CACNB2: variants seen among roughly 807,000 people sequenced by gnomAD.
The protein encoded by CACNB2 is voltage-dependent L-type calcium channel subunit beta-2.
In CACNB2, 42 loss-of-function variants were observed where a neutral mutation model predicts 73.3. The ratio of observed to expected loss-of-function variants is 0.57; its 90% CI spans 0.45 to 0.74. The LOEUF is 0.74. CACNB2 is among the 30% of genes least tolerant of loss of function. The pLI is 0.00. For missense variants in CACNB2, 940 were observed against 853.0 expected (o/e 1.10, Z -1.27); for synonymous variants, 348 against 310.3 (o/e 1.12, Z -1.28).
chr10:18,198,378 A>T (rs1294871805), intron 2 of CACNB2, among the ~76,000 whole-genome samples: 3 of 151,966 alleles, frequency 2.0e-5, no homozygotes, highest in African/African-American at 7.3e-5. Context: ...GGTATATGTA[A>T]ATCTCATAGG....
intron 2 of CACNB2, among the ~76,000 whole-genome samples, chr10:18,220,221 A>AGGGGGGGG (rs1160775101): frequency 3.5e-5 from 2 of 57,268 alleles, no homozygotes; most frequent in African/African-American, 2.2e-4. Context: ...ATATATATAT[A>AGGGGGGGG]TATATATATA....
At chr10:18,320,314 A>G (rs1281844683) in intron 2 of CACNB2, among the ~76,000 whole-genome samples, 1 of 152,138 alleles carries the variant, frequency 6.6e-6, no homozygotes, top group Non-Finnish European at 1.5e-5. Flanking sequence ...TCGTAGTTGC[A>G]TTGTTATGTT....
chr10:18,260,342 G>C, intron 2 of CACNB2: 1 of 659,548 alleles, frequency 1.5e-6, no homozygotes, highest in South Asian at 6.7e-5. Flanking sequence ...CTAAATCATA[G>C]GTGGTATGAG....
chr10:18,470,935 T>G (rs942296006), intron 3 of CACNB2, among the ~76,000 whole-genome samples: 6 of 152,182 alleles, frequency 3.9e-5, no homozygotes, highest in African/African-American at 1.4e-4. Flanking sequence ...TCCGTTCTCC[T>G]GGTTCCCAAC....
intron 2 of CACNB2, among the ~76,000 whole-genome samples, chr10:18,246,990 C>A (rs2036888844): frequency 6.6e-6 from 1 of 152,138 alleles, no homozygotes; most frequent in African/African-American, 2.4e-5. Flanking sequence ...CGTGAAACCT[C>A]ATTTCCACCT....
chr10:18,366,722 A>T (rs2042369795), intron 2 of CACNB2, among the ~76,000 whole-genome samples: 1 of 151,914 alleles, frequency 6.6e-6, no homozygotes, highest in African/African-American at 2.4e-5. Context: ...CTCGGGAGGC[A>T]GAGGTTGCAG....
intron 2 of CACNB2, among the ~76,000 whole-genome samples, chr10:18,327,478 G>A (rs1280877169): frequency 6.6e-5 from 10 of 152,116 alleles, no homozygotes; most frequent in African/African-American, 2.2e-4. Context: ...AGGCTGGAGG[G>A]CAGTGGAGTG....
chr10:18,184,113 T>G (rs1588644544), intron 2 of CACNB2, among the ~76,000 whole-genome samples: 3 of 152,220 alleles, frequency 2.0e-5, no homozygotes, highest in African/African-American at 7.2e-5. Flanking sequence ...AGTATGGATT[T>G]AATTTTAATC....
At chr10:18,151,445 T>A (rs2031551249) in intron 2 of CACNB2, among the ~76,000 whole-genome samples, 1 of 152,122 alleles carries the variant, frequency 6.6e-6, no homozygotes, top group Admixed American at 6.5e-5. Context: ...AAACAGAACA[T>A]GCAGTATCAC....
At chr10:18,161,625 A>ATC (rs146929412) in intron 2 of CACNB2, among the ~76,000 whole-genome samples, 39,356 of 134,326 alleles carry the variant, frequency 0.29, 5,170 homozygotes, top group East Asian at 0.41. Context: ...AACATGGCAA[A>ATC]TCTCTTTTTT....
chr10:18,455,303 A>G (rs774743985), intron 3 of CACNB2, among the ~76,000 whole-genome samples: 1 of 152,218 alleles, frequency 6.6e-6, no homozygotes, highest in Admixed American at 6.5e-5. Context: ...TTAGTAAGAA[A>G]GTGTTGCCTA....
intron 3 of CACNB2, among the ~76,000 whole-genome samples, chr10:18,408,420 A>G (rs11014101): frequency 0.29 from 43,912 of 150,908 alleles, 7,007 homozygotes; most frequent in East Asian, 0.62. Context: ...TGTATTTTTA[A>G]TAGAGACAGA....
At chr10:18,156,575 G>A (rs2032058842) in intron 2 of CACNB2, among the ~76,000 whole-genome samples, 2 of 152,148 alleles carry the variant, frequency 1.3e-5, no homozygotes, top group Admixed American at 6.5e-5. Flanking sequence ...AGATGTTAGT[G>A]GGATTTCCCA....
chr10:18,384,613 C>A (rs1178120912), intron 2 of CACNB2, among the ~76,000 whole-genome samples: 1 of 151,924 alleles, frequency 6.6e-6, no homozygotes, highest in Middle Eastern at 3.2e-3. Flanking sequence ...ATTTGCAATC[C>A]CAGCTACTTG....
intron 3 of CACNB2, among the ~76,000 whole-genome samples, chr10:18,419,101 G>A (rs1342022791): frequency 6.6e-6 from 1 of 152,194 alleles, no homozygotes; most frequent in Admixed American, 6.5e-5. Flanking sequence ...ATCTTTGGCT[G>A]TGACAATCTA....
chr10:18,251,736 G>A (rs1391945502), intron 2 of CACNB2, among the ~76,000 whole-genome samples: 1 of 152,252 alleles, frequency 6.6e-6, no homozygotes, highest in Non-Finnish European at 1.5e-5. Context: ...GACAGGTGAA[G>A]GGGAAGCAAC....
In CACNB2 at chr10:18,539,589, G is replaced by A; in HGVS notation, c.1848G>A (p.Gln616=). The change falls in exon 14 of 14, where the codon CAG becomes CAA. Residue 616 remains glutamine (Q), a synonymous_variant. Coordinates refer to ENST00000324631, the MANE Select transcript of CACNB2 (RefSeq NM_201596.3). ...RHRSRDVDRE[Q]DHNECNKQRS... ...GTTCCCGGGACGTGGATCGAGAGCAGGACCACAACGAGTGCAACAAGCAGC... is the reference window on the plus strand; with the variant it reads ...GTTCCCGGGACGTGGATCGAGAGCAAGACCACAACGAGTGCAACAAGCAGC... 1 of 1,613,798 alleles carries A rather than the reference G, an allele frequency of 6.2e-7. No individual in the cohort carries two copies. The highest frequency in any genetic ancestry group is 8.5e-7 in the Non-Finnish European group (1 of 1,179,918).
intron 2 of CACNB2, among the ~76,000 whole-genome samples, chr10:18,346,515 G>C (rs552128574): frequency 6.6e-6 from 1 of 152,206 alleles, no homozygotes; most frequent in East Asian, 1.9e-4. Context: ...CATGTCATTT[G>C]TTAATTCACA....
chr10:18,438,902 C>A (rs796087953), intron 3 of CACNB2, among the ~76,000 whole-genome samples: 13 of 152,316 alleles, frequency 8.5e-5, no homozygotes, highest in African/African-American at 2.9e-4. Flanking sequence ...TACAGCTCTT[C>A]CAAAGCAGAA....
Sources: allele counts gnomAD v4.1 joint callset (sites outside exome capture counted in the v4.1 genomes callset), GRCh38; gene constraint gnomAD v4.1.1; transcripts MANE v1.5; gene names NCBI Gene and HGNC (gene_info 2026-07-23, HGNC 2026-07-21).